Variants in USP6NL observed in about 807,000 individuals in gnomAD.
The protein encoded by USP6NL is USP6 N-terminal like.
Under a neutral mutation model 61.9 loss-of-function variants are expected in USP6NL, and 26 were observed. That is an observed-to-expected ratio of 0.42 (90% CI 0.31 to 0.58). The LOEUF (loss-of-function observed/expected upper bound fraction) is 0.58, where lower values mean the gene tolerates loss of function less well. Among genes scored for constraint, USP6NL ranks in the 20% least tolerant of loss-of-function variants. The pLI, the probability that USP6NL is intolerant of heterozygous loss-of-function variation, is 0.16. For synonymous variants in USP6NL, 432 were observed against 390.1 expected, an observed-to-expected ratio of 1.11 and a Z score of -1.27; for missense variants, 1,114 against 1,034.3, an observed-to-expected ratio of 1.08 and a Z score of -1.06.
In USP6NL at chr10:11,462,882, C is replaced by T; in HGVS notation, c.2046G>A (p.Glu682=). The T allele has an allele frequency of 1.2e-6, 2 of 1,613,768 alleles. No homozygotes were observed. The highest frequency in any genetic ancestry group is 2.2e-5 in the South Asian group (2 of 91,064). ...GGGGGCTTGGGCGGCTGTAAGATTT[C>T]TCCGGAGAAGCACTGACGGAAAGAG... ...GSTLSVSASP[E]KSYSRPSPLV... Residue 682 remains glutamate (E), a synonymous_variant, in exon 15 of 15, where the codon GAG becomes GAA. Coordinates refer to ENST00000609104, the MANE Select transcript of USP6NL (RefSeq NM_014688.5).
At chr10:11,475,292 A>G (rs1001913985) in intron 14 of USP6NL, among the ~76,000 whole-genome samples, 5 of 141,244 alleles carry the variant, frequency 3.5e-5, no homozygotes, top group African/African-American at 1.0e-4. Flanking sequence ...GCTACAGAAG[A>G]AAGTTTGCCA....
rs1837477511 is a variant in USP6NL at position 11,574,629 on chromosome 10, T to G, written c.4+23002A>C. Among the ~76,000 whole-genome samples the G allele has an allele frequency of 6.6e-6, 1 of 152,256 alleles. No homozygotes were observed. Among genetic ancestry groups the G allele is most frequent in the Admixed American group, 6.5e-5 (1 of 15,284 alleles). On this transcript the variant is annotated intron_variant, in intron 2 of 14. Coordinates refer to ENST00000609104, the MANE Select transcript of USP6NL (RefSeq NM_014688.5). This position sits in a 1 kb window ranked among gnomAD's most constrained non-coding sequence, Gnocchi z 4.3. Reference sequence around the variant, plus strand: ...TGGCTAAATGCTATGTTTATTAAACTGATTCTCCACCAGCAATTTGTTCCT... The same window carrying G: ...TGGCTAAATGCTATGTTTATTAAACGGATTCTCCACCAGCAATTTGTTCCT...
chr10:11,531,607 C>T (rs1835661370), intron 2 of USP6NL, among the ~76,000 whole-genome samples: 1 of 151,350 alleles, frequency 6.6e-6, no homozygotes, highest in African/African-American at 2.4e-5. Context: ...AGTGAGCCAC[C>T]GCACCCGCTT....
Position 11,518,681 on chromosome 10 carries a change from CAA to C in USP6NL, c.156-109_156-108del. 1.2e-6 allele frequency: 1 copy of C among 827,302 alleles called. No homozygotes were observed. Among genetic ancestry groups the C allele is most frequent in the Non-Finnish European group, 1.9e-6 (1 of 523,914 alleles). 51.2% of individuals were successfully genotyped at this position (827,302 alleles called of 1,614,324 possible). ...GACATACAATATTTATTTGTCATCA[CAA>C]GAGTTACATAGGCTTCCATTCATTG... On this transcript the variant is annotated intron_variant, in intron 4 of 14. Transcript: ENST00000609104. The surrounding 1 kb of genome is among the most constrained non-coding windows in gnomAD (Gnocchi z 5.3).
rs759519481 is a variant in USP6NL, at chr10:11,463,042, G to T, written c.1886C>A (p.Pro629His). 1.2e-6 allele frequency: 2 copies of T among 1,613,796 alleles called. No homozygotes were observed. The highest frequency in any genetic ancestry group is 2.7e-5 in the African/African-American group (2 of 74,878). Residue 629 changes from proline (P) to histidine (H), a missense_variant, in exon 15 of 15, where the codon CCC becomes CAC. Pro to His is a moderately conservative substitution (Grantham distance 77, BLOSUM62 -2). Coordinates refer to ENST00000609104, the MANE Select transcript of USP6NL (RefSeq NM_014688.5). This position sits in a 1 kb window ranked among gnomAD's most constrained non-coding sequence, Gnocchi z 6.3. ...LDGEARGLAH[P>H]PSYSNPPVYH... is the part of the protein sequence containing the mutation. ...AACGGGGGGATTGCTGTAGGAGGGG[G>T]GATGAGCTAGCCCTCGGGCTTCCCC...
intron 2 of USP6NL, among the ~76,000 whole-genome samples, chr10:11,551,042 T>C (rs1219332406): frequency 6.6e-6 from 1 of 152,156 alleles, no homozygotes; most frequent in Non-Finnish European, 1.5e-5. Context: ...AAATACAAAA[T>C]GGTACAGCCA....
rs3824642 is a variant in USP6NL, at chr10:11,485,787, T to C, written c.759+30A>G. The C allele has an allele frequency of 0.08, 115,475 of 1,441,296 alleles. 8,421 individuals are homozygous for C. The highest frequency in any genetic ancestry group is 0.45 in the East Asian group (17,739 of 39,370). 89.3% of individuals were successfully genotyped at this position (1,441,296 alleles called of 1,614,324 possible). On this transcript the variant is annotated intron_variant, in intron 11 of 14. Transcript: ENST00000609104. This position sits in a 1 kb window ranked among gnomAD's most constrained non-coding sequence, Gnocchi z 4.8. ...CAGCTTTTTTTGGGGGGTGGGTAGGTGGGTGTAAGTCAGTGGCACATCTAC... is the reference window on the plus strand; with the variant it reads ...CAGCTTTTTTTGGGGGGTGGGTAGGCGGGTGTAAGTCAGTGGCACATCTAC...
intron 2 of USP6NL, among the ~76,000 whole-genome samples, chr10:11,569,345 A>G (rs561408608): frequency 1.2e-4 from 19 of 152,316 alleles, no homozygotes; most frequent in Non-Finnish European, 2.1e-4. Flanking sequence ...GGCAATTTTA[A>G]CCATCTAAAA....
chr10:11,573,783 G>A (rs1837443845), intron 2 of USP6NL: 2 of 396,526 alleles, frequency 5.0e-6, no homozygotes, highest in Admixed American at 8.8e-5. Context: ...CACGAACACA[G>A]TTCAACTTCA....
At chr10:11,560,409 C>A (rs779706111) in intron 2 of USP6NL, among the ~76,000 whole-genome samples, 1 of 152,066 alleles carries the variant, frequency 6.6e-6, no homozygotes, top group Non-Finnish European at 1.5e-5. Flanking sequence ...CCACATTACT[C>A]AGGGTTAATG....
chr10:11,563,155 A>C (rs1408965558), intron 2 of USP6NL: 1 of 152,210 alleles, frequency 6.6e-6, no homozygotes, highest in Admixed American at 6.5e-5. Flanking sequence ...TTTCATGGAT[A>C]CTAAGTTTTA....
At chr10:11,588,575 A>C (rs1838055421) in intron 2 of USP6NL, among the ~76,000 whole-genome samples, 1 of 152,226 alleles carries the variant, frequency 6.6e-6, no homozygotes, top group African/African-American at 2.4e-5. Context: ...AGTAGATGTA[A>C]GAATTTCATC....
intron 2 of USP6NL, among the ~76,000 whole-genome samples, chr10:11,534,773 A>G (rs1835773665): frequency 6.6e-6 from 1 of 152,340 alleles, no homozygotes; most frequent in African/African-American, 2.4e-5. Context: ...CCTCATCATA[A>G]TACTTGAAAC....
intron 14 of USP6NL, among the ~76,000 whole-genome samples, chr10:11,469,432 A>G (rs1832631868): frequency 6.6e-6 from 1 of 152,240 alleles, no homozygotes; most frequent in Admixed American, 6.5e-5. Flanking sequence ...AAGAAATTAG[A>G]TGTAGCAGGG....
At chr10:11,517,379 C>G (rs1298875071) in intron 5 of USP6NL, among the ~76,000 whole-genome samples, 1 of 152,204 alleles carries the variant, frequency 6.6e-6, no homozygotes, top group Non-Finnish European at 1.5e-5. Flanking sequence ...TCCCCTCCAC[C>G]TGCACTACCA....
chr10:11,523,763 C>T (rs1835316901), intron 4 of USP6NL, among the ~76,000 whole-genome samples: 1 of 152,138 alleles, frequency 6.6e-6, no homozygotes, highest in African/African-American at 2.4e-5. Context: ...CATATTTGGA[C>T]CATCTTATGA....
chr10:11,566,314 C>T (rs1837152929), intron 2 of USP6NL, among the ~76,000 whole-genome samples: 1 of 152,130 alleles, frequency 6.6e-6, no homozygotes, highest in African/African-American at 2.4e-5. Flanking sequence ...ATAAAAGATA[C>T]CGAAAGGACA....
intron 2 of USP6NL, chr10:11,563,435 T>C (rs1415518609): frequency 6.6e-6 from 1 of 151,900 alleles, no homozygotes; most frequent in African/African-American, 2.4e-5. Flanking sequence ...CACACAAATG[T>C]CACACATACA....
intron 2 of USP6NL, among the ~76,000 whole-genome samples, chr10:11,542,634 G>A (rs1309356812): frequency 6.6e-6 from 1 of 152,146 alleles, no homozygotes; most frequent in Non-Finnish European, 1.5e-5. Flanking sequence ...CAGGAGAATT[G>A]CCTGAACCCG....
Sources: allele counts gnomAD v4.1 joint callset (sites outside exome capture counted in the v4.1 genomes callset), GRCh38; gene constraint gnomAD v4.1.1; non-coding constraint Gnocchi (gnomAD v3.1); transcripts MANE v1.5; gene names NCBI Gene and HGNC (gene_info 2026-07-23, HGNC 2026-07-21).